KLHL1: variants seen among roughly 807,000 people sequenced by gnomAD.
KLHL1 encodes the protein kelch-like protein 1.
Under a neutral mutation model 77.7 loss-of-function variants are expected in KLHL1, and 47 were observed. That is an observed-to-expected ratio of 0.60 (90% CI 0.48 to 0.77). KLHL1 has a LOEUF of 0.77. Among genes scored for constraint, KLHL1 ranks in the 30% least tolerant of loss-of-function variants. The pLI is 0.00. For synonymous variants in KLHL1, 360 were observed against 325.2 expected (o/e 1.11, Z -1.15); for missense variants, 925 against 910.8 (o/e 1.02, Z -0.20).
At chr13:70,055,165 A>G (rs1748637529) in intron 1 of KLHL1, among the ~76,000 whole-genome samples, 1 of 152,076 alleles carries the variant, frequency 6.6e-6, no homozygotes. Flanking sequence ...AGAAAGGGTC[A>G]TAAAATCAGC....
At chr13:69,874,192 TCA>T (rs1880683707) in intron 5 of KLHL1, among the ~76,000 whole-genome samples, 1 of 152,140 alleles carries the variant, frequency 6.6e-6, no homozygotes, top group Non-Finnish European at 1.5e-5. Flanking sequence ...GTTTTCCCTC[TCA>T]CAGTGTGTGC....
intron 1 of KLHL1, among the ~76,000 whole-genome samples, chr13:70,037,301 C>G (rs1219339019): frequency 6.6e-6 from 1 of 151,956 alleles, no homozygotes; most frequent in Non-Finnish European, 1.5e-5. Flanking sequence ...TGTAATGACA[C>G]TGGAGAGGTT....
At chr13:69,794,695 C>A (rs1037835081) in intron 7 of KLHL1, among the ~76,000 whole-genome samples, 2 of 151,722 alleles carry the variant, frequency 1.3e-5, no homozygotes, top group African/African-American at 4.8e-5. Context: ...GTATGAAAAC[C>A]ACTAAGAAGA....
chr13:69,908,259 A>C (rs1882108732), intron 4 of KLHL1, among the ~76,000 whole-genome samples: 1 of 151,712 alleles, frequency 6.6e-6, no homozygotes, highest in Non-Finnish European at 1.5e-5. Context: ...AGTGAGAGGG[A>C]TAGAGAGAGA....
intron 3 of KLHL1, among the ~76,000 whole-genome samples, chr13:69,955,252 G>C (rs935584757): frequency 6.6e-6 from 1 of 151,260 alleles, no homozygotes; most frequent in Non-Finnish European, 1.5e-5. Flanking sequence ...TATTAAAGCA[G>C]GACATTAAAC....
intron 4 of KLHL1, among the ~76,000 whole-genome samples, chr13:69,924,312 C>T (rs1181297915): frequency 6.6e-6 from 1 of 152,172 alleles, no homozygotes; most frequent in Non-Finnish European, 1.5e-5. Flanking sequence ...AGAATGGGAA[C>T]TTACTGTGCT....
chr13:69,865,301 C>T (rs1880328712), intron 5 of KLHL1, among the ~76,000 whole-genome samples: 1 of 151,842 alleles, frequency 6.6e-6, no homozygotes, highest in Non-Finnish European at 1.5e-5. Context: ...AGTATGAGGG[C>T]CAGAGCATGG....
At chr13:70,063,502 T>C (rs868245594) in intron 1 of KLHL1, among the ~76,000 whole-genome samples, 4 of 152,088 alleles carry the variant, frequency 2.6e-5, no homozygotes, top group African/African-American at 7.2e-5. Flanking sequence ...TAATATGCCA[T>C]GTTATTTTGT....
At chr13:69,798,593 T>G (rs1355334111) in intron 6 of KLHL1, among the ~76,000 whole-genome samples, 1 of 151,942 alleles carries the variant, frequency 6.6e-6, no homozygotes, top group Non-Finnish European at 1.5e-5. Context: ...ATGTATAATA[T>G]TTTAAACAGA....
At chr13:69,723,858 T>TTTC (rs1873177925) in intron 8 of KLHL1, among the ~76,000 whole-genome samples, 1 of 151,630 alleles carries the variant, frequency 6.6e-6, no homozygotes, top group South Asian at 2.1e-4. Flanking sequence ...TTTTTTTTTT[T>TTTC]CTGAGACGGA....
At position 69,896,670 on chromosome 13, in the gene KLHL1, A is replaced by AT. The variant is rs555215455; in HGVS notation, c.1015-14176dup. 4.1e-3 allele frequency among the ~76,000 whole-genome samples: 595 copies of AT among 143,496 alleles called. 2 individuals carry two copies. The highest frequency in any genetic ancestry group is 7.5e-3 in the African/African-American group (294 of 39,072). 94.1% of individuals were successfully genotyped at this position (143,496 alleles called of 152,430 possible). ...ATGGCTTTACCGTCAAAGTATTAAAATTTTTTTTTTTTTTTTGAGACAGAG... is the reference window on the plus strand; with the variant it reads ...ATGGCTTTACCGTCAAAGTATTAAAATTTTTTTTTTTTTTTTTGAGACAGAG... On this transcript the variant is annotated intron_variant, in intron 4 of 10. Coordinates refer to ENST00000377844, the MANE Select transcript of KLHL1 (RefSeq NM_020866.3).
rs373261939 is a variant in KLHL1, at chr13:69,867,848, G to T, written c.1227+14435C>A. 1.2e-4 allele frequency among the ~76,000 whole-genome samples: 13 copies of T among 110,950 alleles called. No homozygotes were observed. The South Asian group carries it at 4.0e-3, about 34-fold the overall frequency. The allele number at this position is 110,950 out of a possible 152,430, so 72.8% of individuals were successfully genotyped here. A position where few individuals can be genotyped will look rare whatever the true frequency, so the allele number is the denominator to read the frequency against. Reference sequence around the variant, plus strand: ...AGGGGAACATCACACACTGGGGCCTGTTGTGGGGTGGGGGGAGGGGGGAGG... The same window carrying T: ...AGGGGAACATCACACACTGGGGCCTTTTGTGGGGTGGGGGGAGGGGGGAGG... On this transcript the variant is annotated intron_variant, in intron 5 of 10. Transcript: ENST00000377844.
rs557213654 is a variant in KLHL1, at chr13:70,035,112, T to G, written c.498-59310A>C. The stretch of plus-strand genomic sequence containing the variant: ...ATAACCCTTGAAGGAGGATCATTAT[T>G]GGTAACTTTTGAGTTAAGAGTACTT... On this transcript the variant is annotated intron_variant, in intron 1 of 10. Transcript: ENST00000377844. Among the ~76,000 whole-genome samples, 185 of 152,314 alleles carry G rather than the reference T, an allele frequency of 1.2e-3. 1 individual carries two copies. The highest frequency in any genetic ancestry group is 3.8e-3 in the African/African-American group (159 of 41,582).
chr13:69,954,092 A>G (rs1360913669), intron 3 of KLHL1, among the ~76,000 whole-genome samples: 3 of 151,308 alleles, frequency 2.0e-5, no homozygotes, highest in Non-Finnish European at 3.0e-5. Context: ...CCCAAGAGAT[A>G]TTTCAAGTAC....
chr13:69,796,883 C>A lies in KLHL1; in HGVS notation c.1494G>T (p.Gln498His). ...TGTCATCAATAACAGCCACACCAAA[C>A]TGCAGCCTTCTGCCATTCATCATCC... ...QAGMMNGRRL[Q>H]FGVAVIDDKL... The change falls in exon 7 of 11, where the codon CAG (glutamine) becomes CAT (histidine). Residue 498 changes from glutamine (Q) to histidine (H), a missense_variant. By Grantham distance (24) the Gln-to-His change is conservative. Coordinates refer to ENST00000377844, the MANE Select transcript of KLHL1 (RefSeq NM_020866.3). 1 of 1,614,150 alleles carries A rather than the reference C, an allele frequency of 6.2e-7. No individual in the cohort carries two copies. The highest frequency in any genetic ancestry group is 8.5e-7 in the Non-Finnish European group (1 of 1,180,014).
chr13:69,890,265 C>A (rs1198204596), intron 4 of KLHL1, among the ~76,000 whole-genome samples: 1 of 151,984 alleles, frequency 6.6e-6, no homozygotes, highest in African/African-American at 2.4e-5. Flanking sequence ...TGTAATAGAT[C>A]ATGGATTCGG....
intron 1 of KLHL1, among the ~76,000 whole-genome samples, chr13:70,071,282 T>A (rs1455387089): frequency 1.3e-5 from 2 of 151,976 alleles, no homozygotes; most frequent in Admixed American, 6.6e-5. Flanking sequence ...CAGCACTACA[T>A]GATAAAAGGG....
intron 1 of KLHL1, among the ~76,000 whole-genome samples, chr13:69,990,992 CA>C (rs1214600228): frequency 5.9e-5 from 9 of 151,804 alleles, no homozygotes; most frequent in Admixed American, 2.6e-4. Context: ...AAATGAAGGT[CA>C]AGAAAATTGC....
intron 8 of KLHL1, among the ~76,000 whole-genome samples, chr13:69,732,739 C>T (rs1189916170): frequency 6.6e-6 from 1 of 151,778 alleles, no homozygotes; most frequent in African/African-American, 2.4e-5. Context: ...TAGCACCAGA[C>T]ACACCTAGTT....
Sources: gnomAD v4.1 joint callset for allele counts (sites outside exome capture counted in the v4.1 genomes callset) on GRCh38, gnomAD v4.1.1 for gene constraint, MANE v1.5 for transcripts, NCBI Gene and HGNC (gene_info 2026-07-23, HGNC 2026-07-21) for gene names.